Variants in SNTB1 observed in about 807,000 individuals in gnomAD.
The protein encoded by SNTB1 is syntrophin beta 1.
In SNTB1, 36 loss-of-function variants were observed where a neutral mutation model predicts 48.9. The ratio of observed to expected loss-of-function variants is 0.74; its 90% CI spans 0.56 to 0.97. SNTB1 has a LOEUF of 0.97. Ranked by LOEUF, SNTB1 falls within the 50% of genes least tolerant of loss-of-function variation. The pLI, the probability that SNTB1 is intolerant of heterozygous loss-of-function variation, is 0.00. For synonymous variants in SNTB1, 299 were observed against 294.6 expected (o/e 1.01, Z -0.15); for missense variants, 786 against 703.4 (o/e 1.12, Z -1.33).
chr8:120,632,379 G>A, intron 3 of SNTB1, 65 bp downstream of exon 3: 2 of 1,411,670 alleles, frequency 1.4e-6, no homozygotes, highest in Non-Finnish European at 9.8e-7. Context: ...GATAGTTTTA[G>A]TGGTTATGAG....
At chr8:120,654,088 T>C (rs1207719284) in intron 2 of SNTB1, among the ~76,000 whole-genome samples, 3 of 57,070 alleles carry the variant, frequency 5.3e-5, no homozygotes, top group Admixed American at 1.8e-4. Context: ...TTCTTGGCAA[T>C]AAATCTTACT....
At chr8:120,580,271 G>C (rs762906176) in intron 3 of SNTB1, among the ~76,000 whole-genome samples, 1 of 152,136 alleles carries the variant, frequency 6.6e-6, no homozygotes, top group African/African-American at 2.4e-5. Flanking sequence ...ATGGCAGGAA[G>C]AGCTCACAGT....
At chr8:120,679,216 A>T (rs1445952804) in intron 2 of SNTB1, among the ~76,000 whole-genome samples, 3 of 152,158 alleles carry the variant, frequency 2.0e-5, no homozygotes, top group East Asian at 3.8e-4. Context: ...CCACTCATTT[A>T]TCCTTCTGTG....
intron 1 of SNTB1, among the ~76,000 whole-genome samples, chr8:120,760,610 G>T (rs1258318390): frequency 2.0e-5 from 3 of 152,084 alleles, no homozygotes; most frequent in African/African-American, 7.2e-5. Flanking sequence ...CACTGTAAAG[G>T]TCAAAGAAAA....
chr8:120,754,630 T>C (rs1819283938), intron 1 of SNTB1, among the ~76,000 whole-genome samples: 2 of 152,208 alleles, frequency 1.3e-5, no homozygotes, highest in Admixed American at 1.3e-4. Flanking sequence ...ATCATGCATG[T>C]GAAGTGTAGA....
At chr8:120,561,648 T>C (rs571915391) in intron 4 of SNTB1, among the ~76,000 whole-genome samples, 37 of 152,332 alleles carry the variant, frequency 2.4e-4, no homozygotes, top group African/African-American at 8.9e-4. Context: ...ATTGTGTGTG[T>C]AGAATACACA....
chr8:120,793,093 A>G (rs961317915), intron 1 of SNTB1, among the ~76,000 whole-genome samples: 5 of 152,048 alleles, frequency 3.3e-5, no homozygotes, highest in African/African-American at 1.2e-4. Flanking sequence ...AATAAGAAAC[A>G]TGTATCATGA....
chr8:120,713,358 C>A (rs182969981), intron 1 of SNTB1, among the ~76,000 whole-genome samples: 2 of 152,302 alleles, frequency 1.3e-5, no homozygotes, highest in Non-Finnish European at 2.9e-5. Flanking sequence ...CCCTCATGCA[C>A]CTTTTCAGTC....
chr8:120,557,147 G>A (rs1815578165), intron 4 of SNTB1, among the ~76,000 whole-genome samples: 1 of 152,194 alleles, frequency 6.6e-6, no homozygotes, highest in Non-Finnish European at 1.5e-5. Context: ...AAGACAACAT[G>A]AGTTTGTCTG....
chr8:120,716,147 C>T (rs1326042758), intron 1 of SNTB1, among the ~76,000 whole-genome samples: 1 of 152,068 alleles, frequency 6.6e-6, no homozygotes, highest in East Asian at 1.9e-4. Flanking sequence ...AGTTGGTAGT[C>T]AATAAATATT....
chr8:120,579,853 C>T (rs1816015263), intron 3 of SNTB1, among the ~76,000 whole-genome samples: 1 of 152,128 alleles, frequency 6.6e-6, no homozygotes, highest in Non-Finnish European at 1.5e-5. Flanking sequence ...AATTCGTGCA[C>T]ATATAGGATT....
chr8:120,660,805 T>C (rs1817574971), intron 2 of SNTB1, among the ~76,000 whole-genome samples: 1 of 152,196 alleles, frequency 6.6e-6, no homozygotes, highest in South Asian at 2.1e-4. Context: ...TTCTTTTTAC[T>C]TGAACACTTA....
intron 3 of SNTB1, among the ~76,000 whole-genome samples, chr8:120,580,551 T>C (rs1215491869): frequency 6.6e-6 from 1 of 152,136 alleles, no homozygotes; most frequent in African/African-American, 2.4e-5. Context: ...AAGGTCTAGA[T>C]GTAAGGGACA....
intron 1 of SNTB1, among the ~76,000 whole-genome samples, chr8:120,755,441 T>C (rs1013889878): frequency 1.3e-5 from 2 of 151,842 alleles, no homozygotes; most frequent in African/African-American, 4.8e-5. Context: ...AGCCAAACTA[T>C]ATTGGGCTGG....
Position 120,583,505 on chromosome 8 carries a change from C to T in SNTB1, c.997-8280G>A, listed in dbSNP as rs1335292968. On this transcript the variant is annotated intron_variant, in intron 3 of 6. Coordinates refer to ENST00000517992, the MANE Select transcript of SNTB1 (RefSeq NM_021021.4). ...CCAGCCTGGGTGAAAGAGGGAAACTCCGTCTCAAAACACACACACACACAC... is the reference window on the plus strand; with the variant it reads ...CCAGCCTGGGTGAAAGAGGGAAACTTCGTCTCAAAACACACACACACACAC... Among the ~76,000 whole-genome samples the T allele has an allele frequency of 6.2e-5, 8 of 128,906 alleles. No homozygotes were observed. The East Asian group carries it at 1.7e-3, about 28-fold the overall frequency. 84.6% of individuals were successfully genotyped at this position (128,906 alleles called of 152,430 possible). A position where few individuals can be genotyped will look rare whatever the true frequency, so the allele number is the denominator to read the frequency against.
chr8:120,581,003 C>G (rs1816038925), intron 3 of SNTB1, among the ~76,000 whole-genome samples: 1 of 148,750 alleles, frequency 6.7e-6, no homozygotes, highest in Non-Finnish European at 1.5e-5. Context: ...GCCTGAGACT[C>G]ATTTTAATCC....
At chr8:120,575,402 T>C (rs769746830) in intron 3 of SNTB1, among the ~76,000 whole-genome samples, 177 bp from the exon 4 acceptor site, 3 of 152,200 alleles carry the variant, frequency 2.0e-5, no homozygotes, top group Non-Finnish European at 4.4e-5. Context: ...CTTGAAAATA[T>C]CTGTTGTCTC....
At chr8:120,562,140 A>G (rs1048495155) in intron 4 of SNTB1, among the ~76,000 whole-genome samples, 2 of 152,204 alleles carry the variant, frequency 1.3e-5, no homozygotes, top group African/African-American at 2.4e-5. Context: ...TTTAATTTCA[A>G]TTATTTTCTC....
At chr8:120,604,420 A>G (rs532839661) in intron 3 of SNTB1, among the ~76,000 whole-genome samples, 3 of 150,816 alleles carry the variant, frequency 2.0e-5, no homozygotes, top group Non-Finnish European at 4.4e-5. Flanking sequence ...AAAGGCCACT[A>G]ATTAGCCCAT....
Sources: allele counts gnomAD v4.1 joint callset (sites outside exome capture counted in the v4.1 genomes callset), GRCh38; gene constraint gnomAD v4.1.1; transcripts MANE v1.5; gene names NCBI Gene and HGNC (gene_info 2026-07-23, HGNC 2026-07-21).